Variants in SGCD observed in about 807,000 individuals in gnomAD.
The protein encoded by SGCD is sarcoglycan delta, also known as delta-sarcoglycan.
SGCD carries 18 observed loss-of-function variants against 36.6 expected under a neutral mutation model. That is an observed-to-expected ratio of 0.49 (90% CI 0.34 to 0.73). The LOEUF (loss-of-function observed/expected upper bound fraction) is 0.73, where lower values mean the gene tolerates loss of function less well. SGCD is among the 30% of genes least tolerant of loss of function. The pLI, the probability that SGCD is intolerant of heterozygous loss-of-function variation, is 0.01. For missense variants in SGCD, 387 were observed against 346.7 expected, an observed-to-expected ratio of 1.12 and a Z score of -0.92; for synonymous variants, 133 against 130.6, an observed-to-expected ratio of 1.02 and a Z score of -0.12.
the SGCD span, among the ~76,000 whole-genome samples, chr5:155,824,988 G>C: frequency 2.6e-5 from 4 of 152,178 alleles, no homozygotes; most frequent in Admixed American, 1.3e-4. Flanking sequence ...GTCCATGGTA[G>C]TTAACGCAAA....
At chr5:156,318,239 A>G (rs1271324750) in intron 3 of SGCD, among the ~76,000 whole-genome samples, 2 of 152,236 alleles carry the variant, frequency 1.3e-5, no homozygotes, top group Non-Finnish European at 1.5e-5. Flanking sequence ...TCCTCTAAGA[A>G]GATCTATGCA....
At chr5:156,143,073 C>T (rs1303799735) in intron 3 of SGCD, among the ~76,000 whole-genome samples, 1 of 152,212 alleles carries the variant, frequency 6.6e-6, no homozygotes, top group African/African-American at 2.4e-5. Flanking sequence ...GGGCCAGTTC[C>T]AAGGCCCCAT....
At chr5:155,749,577 C>T in the SGCD span, among the ~76,000 whole-genome samples, 1 of 152,164 alleles carries the variant, frequency 6.6e-6, no homozygotes, top group Non-Finnish European at 1.5e-5. Flanking sequence ...ACAAGCATGA[C>T]TGATTTCAGA....
intron 1 of SGCD, among the ~76,000 whole-genome samples, chr5:155,874,429 A>G (rs112575070): frequency 2.6e-5 from 4 of 152,162 alleles, no homozygotes; most frequent in African/African-American, 9.7e-5. Flanking sequence ...TAAAGGAAGA[A>G]GTCATTTTTG....
intron 3 of SGCD, among the ~76,000 whole-genome samples, chr5:156,192,224 T>C (rs1763909859): frequency 2.6e-5 from 4 of 152,202 alleles, no homozygotes; most frequent in Non-Finnish European, 2.9e-5. Flanking sequence ...CTGGAAGTGA[T>C]TTATCAGTGA....
chr5:155,962,166 C>A (rs996947442), intron 1 of SGCD, among the ~76,000 whole-genome samples: 1 of 151,996 alleles, frequency 6.6e-6, no homozygotes, highest in Non-Finnish European at 1.5e-5. Context: ...AGAATTTGAA[C>A]CCAAATCTGT....
intron 1 of SGCD, among the ~76,000 whole-genome samples, chr5:156,001,153 A>G (rs1343181894): frequency 2.0e-5 from 3 of 152,138 alleles, no homozygotes; most frequent in African/African-American, 7.2e-5. Flanking sequence ...TTGTTTCTGG[A>G]TGTGGGACAG....
At chr5:156,121,287 T>C (rs190601915) in intron 2 of SGCD, among the ~76,000 whole-genome samples, 69 of 152,322 alleles carry the variant, frequency 4.5e-4, no homozygotes, top group African/African-American at 1.5e-3. Context: ...TAACATTATG[T>C]ACAGTAATGA....
At chr5:156,198,375 C>T (rs13178125) in intron 3 of SGCD, among the ~76,000 whole-genome samples, 36,656 of 151,888 alleles carry the variant, frequency 0.24, 5,393 homozygotes, top group Non-Finnish European at 0.32. Flanking sequence ...AATAATTTAC[C>T]GAGCACTTGG....
chr5:156,714,697 A>G (rs1755142407), intron 7 of SGCD, among the ~76,000 whole-genome samples: 1 of 152,218 alleles, frequency 6.6e-6, no homozygotes, highest in African/African-American at 2.4e-5. Flanking sequence ...ATTAATGAGA[A>G]TTGATCGGAC....
chr5:156,570,758 T>G (rs1216545101), intron 4 of SGCD, among the ~76,000 whole-genome samples: 2 of 152,208 alleles, frequency 1.3e-5, no homozygotes, highest in African/African-American at 2.4e-5. Context: ...AACCTATTAA[T>G]AGTATCCATG....
chr5:156,552,138 A>G (rs1758824337), intron 4 of SGCD, among the ~76,000 whole-genome samples: 1 of 151,536 alleles, frequency 6.6e-6, no homozygotes, highest in African/African-American at 2.4e-5. Flanking sequence ...ATCAGCGAGA[A>G]CTCCCATCCC....
chr5:156,609,713 G>A (rs1474316049), intron 6 of SGCD, among the ~76,000 whole-genome samples: 1 of 152,152 alleles, frequency 6.6e-6, no homozygotes, highest in Middle Eastern at 3.2e-3. Flanking sequence ...TTTTCACATA[G>A]TCCCAAATTT....
chr5:156,299,923 T>C (rs1274534470), intron 3 of SGCD, among the ~76,000 whole-genome samples: 2 of 152,148 alleles, frequency 1.3e-5, no homozygotes, highest in African/African-American at 4.8e-5. Context: ...AGCCCTTTAT[T>C]TCTTTCTCTT....
chr5:156,448,927 G>C (rs1753871234), intron 3 of SGCD, among the ~76,000 whole-genome samples: 1 of 151,346 alleles, frequency 6.6e-6, no homozygotes, highest in East Asian at 1.9e-4. Context: ...GCTAATTTTT[G>C]TATTTTTAGT....
At chr5:156,339,781 A>G (rs895435672) in intron 2 of SGCD, among the ~76,000 whole-genome samples, 2 of 152,252 alleles carry the variant, frequency 1.3e-5, no homozygotes, top group Non-Finnish European at 2.9e-5. Flanking sequence ...CAAGTTAACA[A>G]CATGAATATA....
chr5:156,581,011 C>G (rs1412749879), intron 4 of SGCD, among the ~76,000 whole-genome samples: 2 of 152,142 alleles, frequency 1.3e-5, no homozygotes, highest in Non-Finnish European at 1.5e-5. Flanking sequence ...CAGCTTTTCT[C>G]CTCCGGTTTC....
At chr5:156,539,848 A>G (rs1758279618) in intron 4 of SGCD, among the ~76,000 whole-genome samples, 1 of 152,132 alleles carries the variant, frequency 6.6e-6, no homozygotes, top group South Asian at 2.1e-4. Context: ...CTGAATGGCA[A>G]CAGGATATGT....
intron 7 of SGCD, among the ~76,000 whole-genome samples, chr5:156,688,093 A>G (rs1023683525): frequency 6.6e-6 from 1 of 152,136 alleles, no homozygotes; most frequent in African/African-American, 2.4e-5. Flanking sequence ...TCAGGGGTAC[A>G]TGTGCAGGTT....
Sources: allele counts gnomAD v4.1 joint callset (sites outside exome capture counted in the v4.1 genomes callset), GRCh38; gene constraint gnomAD v4.1.1; transcripts MANE v1.5; gene names NCBI Gene and HGNC (gene_info 2026-07-23, HGNC 2026-07-21).